Variants in PCDHB2 observed in about 807,000 individuals in gnomAD.
PCDHB2 encodes the protein protocadherin beta-2.
For synonymous variants in PCDHB2, 395 were observed against 464.9 expected (o/e 0.85, Z 1.93); for missense variants, 914 against 1,023.1 (o/e 0.89, Z 1.45).
At position 141,096,627 on chromosome 5, in the gene PCDHB2, G is replaced by A. The variant is rs1751833375; in HGVS notation, c.1837G>A (p.Glu613Lys). ...GTCGTACCAGCTGCTCAAGGCCACG[G>A]AGCCCGGGCTGTTCGGCGTGTGGGC... ...WLSYQLLKAT[E>K]PGLFGVWAHN... Residue 613 changes from glutamate to lysine, a missense_variant, in exon 1 of 1, where the codon GAG (glutamate) becomes AAG (lysine). Transcript: ENST00000194155. 3 of 1,608,068 alleles carry A rather than the reference G, an allele frequency of 1.9e-6. No individual in the cohort carries two copies. The highest frequency in any genetic ancestry group is 4.5e-5 in the East Asian group (2 of 44,870).
rs782804039 is a variant in PCDHB2 at position 141,096,500 on chromosome 5, C to A, written c.1710C>A (p.Gly570=). 4 of 1,608,878 alleles carry A rather than the reference C, an allele frequency of 2.5e-6. No homozygotes were observed. The South Asian group carries it at 4.4e-5, about 18-fold the overall frequency. Residue 570 remains glycine (G), a synonymous_variant, in exon 1 of 1, where the codon GGC becomes GGA. Transcript: ENST00000194155. ...SPFVLYPLQN[G]SAPCTELVPR... is the part of the protein sequence containing the mutation. ...TCGTGCTGTACCCGCTGCAGAACGG[C>A]TCCGCGCCCTGCACCGAGCTGGTGC...
chr5:141,096,650 G>A lies in PCDHB2; in HGVS notation c.1860G>A (p.Trp620Ter). 6.2e-7 allele frequency: 1 copy of A among 1,609,220 alleles called. No homozygotes were observed. The highest frequency in any genetic ancestry group is 8.5e-7 in the Non-Finnish European group (1 of 1,179,594). The change falls in exon 1 of 1, where the codon TGG (tryptophan) becomes TGA (stop). Residue 620 changes from tryptophan to a stop codon, truncating the protein, a stop_gained. Coordinates refer to ENST00000194155, the MANE Select transcript of PCDHB2 (RefSeq NM_018936.4). LOFTEE classifies it low-confidence loss of function (END_TRUNC). Reference sequence around the variant, plus strand: ...CGGAGCCCGGGCTGTTCGGCGTGTGGGCGCACAATGGCGAGGTGCGCACCG... The same window carrying A: ...CGGAGCCCGGGCTGTTCGGCGTGTGAGCGCACAATGGCGAGGTGCGCACCG... The part of the protein sequence containing the change: ...KATEPGLFGV[W>*]AHNGEVRTAR...
chr5:141,096,926 G>C lies in PCDHB2; in HGVS notation c.2136G>C (p.Ala712=), dbSNP rs150120355. 6,514 of 1,612,426 alleles carry C rather than the reference G, an allele frequency of 4.0e-3. 16 individuals are homozygous for C. Among genetic ancestry groups the C allele is most frequent in the Non-Finnish European group, 4.8e-3 (5,635 of 1,179,876 alleles). ...LFLFSVLLFV[A]VRLCRRSRAA... is the part of the protein sequence containing the mutation. ...TCTTCTCGGTGCTCCTGTTCGTGGC[G>C]GTGCGGCTGTGCAGGAGGAGCAGGG... Residue 712 remains alanine (A), a synonymous_variant, in exon 1 of 1, where the codon GCG becomes GCC. Coordinates refer to ENST00000194155, the MANE Select transcript of PCDHB2 (RefSeq NM_018936.4).
Position 141,098,630 on chromosome 5 carries a change from AT to A in PCDHB2, c.*1444del, listed in dbSNP as rs1751878867. On this transcript the variant is annotated 3_prime_UTR_variant, in exon 1 of 1. Transcript: ENST00000194155. ...TATAGGCTCTTAATAAAATTTTTGAATGATTGAAAGAGAGAAAAGTATTTTA... is the reference window on the plus strand; with the variant it reads ...TATAGGCTCTTAATAAAATTTTTGAAGATTGAAAGAGAGAAAAGTATTTTA... 6.6e-6 allele frequency: 1 copy of A among 152,200 alleles called. No individual in the cohort carries two copies. Among genetic ancestry groups the A allele is most frequent in the African/African-American group, 2.4e-5 (1 of 41,460 alleles). 9.4% of individuals were successfully genotyped at this position (152,200 alleles called of 1,614,324 possible).
In PCDHB2 at chr5:141,096,255, A is replaced by C; in HGVS notation, c.1465A>C (p.Thr489Pro). ...AGACTCGGGCACCAACGCCCAGGTC[A>C]CCTACTCGCTGCTGCCGCCCCAGGA... is the stretch of plus-strand genomic sequence containing the variant. ...DRDSGTNAQVTYSLLPPQDPH... is the reference protein window; with the variant it reads ...DRDSGTNAQVPYSLLPPQDPH... The change falls in exon 1 of 1, where the codon ACC becomes CCC. Residue 489 changes from threonine (T) to proline (P), a missense_variant. Physicochemically the swap from Thr to Pro is conservative, Grantham distance 38. Transcript: ENST00000194155. 6.2e-7 allele frequency: 1 copy of C among 1,613,028 alleles called. No homozygotes were observed.
In PCDHB2 at chr5:141,096,838, C is replaced by G; in HGVS notation, c.2048C>G (p.Ala683Gly). ...CTCCCGGAGGCGGCACCGGCCCAGGCCCAGGCCGACTTGCTCACCGTCTAC... is the reference window on the plus strand; with the variant it reads ...CTCCCGGAGGCGGCACCGGCCCAGGGCCAGGCCGACTTGCTCACCGTCTAC... ...LLLPEAAPAQ[A>G]QADLLTVYLV... The change falls in exon 1 of 1, where the codon GCC (alanine) becomes GGC (glycine). Residue 683 changes from alanine to glycine, a missense_variant. Ala to Gly is a moderately conservative substitution (Grantham distance 60). Transcript: ENST00000194155. 12 of 1,610,958 alleles carry G rather than the reference C, an allele frequency of 7.4e-6. No individual in the cohort carries two copies. The South Asian group carries it at 1.2e-4, about 16-fold the overall frequency.
chr5:141,095,641 C>T lies in PCDHB2; in HGVS notation c.851C>T (p.Ser284Phe). ...GTNGEISYAF[S>F]QASEDIRKTF... Reference sequence around the variant, plus strand: ...AATGGAGAAATATCTTATGCATTTTCCCAAGCATCTGAAGACATTCGCAAA... The same window carrying T: ...AATGGAGAAATATCTTATGCATTTTTCCAAGCATCTGAAGACATTCGCAAA... Residue 284 changes from serine to phenylalanine, a missense_variant, in exon 1 of 1, where the codon TCC becomes TTC. By Grantham distance (155) the Ser-to-Phe change is radical. Coordinates refer to ENST00000194155, the MANE Select transcript of PCDHB2 (RefSeq NM_018936.4). The T allele has an allele frequency of 6.2e-7, 1 of 1,614,164 alleles. No homozygotes were observed.
In PCDHB2 at chr5:141,096,186, A is replaced by G; in HGVS notation, c.1396A>G (p.Asn466Asp). Residue 466 changes from asparagine to aspartate, a missense_variant, in exon 1 of 1, where the codon AAC becomes GAC. Physicochemically the swap from Asn to Asp is conservative, Grantham distance 23. Transcript: ENST00000194155. The part of the protein sequence containing the change: ...TSYTLFVREN[N>D]SPALHIGSVS... ...CTACACCCTGTTCGTCCGCGAGAAC[A>G]ACAGCCCCGCCCTGCACATCGGCAG... 6.2e-7 allele frequency: 1 copy of G among 1,613,120 alleles called. No homozygotes were observed. Among genetic ancestry groups the G allele is most frequent in the Admixed American group, 1.7e-5 (1 of 60,038 alleles).
chr5:141,097,334 T>A lies in PCDHB2; in HGVS notation c.*147T>A. 1 of 877,846 alleles carries A rather than the reference T, an allele frequency of 1.1e-6. No homozygotes were observed. Among genetic ancestry groups the A allele is most frequent in the Non-Finnish European group, 1.7e-6 (1 of 601,200 alleles). The allele number at this position is 877,846 out of a possible 1,614,324, so 54.4% of individuals were successfully genotyped here. On this transcript the variant is annotated 3_prime_UTR_variant, in exon 1 of 1. Coordinates refer to ENST00000194155, the MANE Select transcript of PCDHB2 (RefSeq NM_018936.4). ...CATGTTACTGGTATTTATAAATGTA[T>A]GAGTTTTTTTGCGGTATAATAAATG...
chr5:141,097,068 G>A lies in PCDHB2; in HGVS notation c.2278G>A (p.Gly760Ser). Reference sequence around the variant, plus strand: ...CCAGTACGAGGTGTGTCTGACTGGAGGCTCCGGGACAAATGAGTTCAAGTT... The same window carrying A: ...CCAGTACGAGGTGTGTCTGACTGGAAGCTCCGGGACAAATGAGTTCAAGTT... ...SYQYEVCLTG[G>S]SGTNEFKFLK... is the part of the protein sequence containing the mutation. Residue 760 changes from glycine to serine, a missense_variant, in exon 1 of 1, where the codon GGC becomes AGC. Coordinates refer to ENST00000194155, the MANE Select transcript of PCDHB2 (RefSeq NM_018936.4). 1 of 1,613,564 alleles carries A rather than the reference G, an allele frequency of 6.2e-7. No homozygotes were observed. Among genetic ancestry groups the A allele is most frequent in the South Asian group, 1.1e-5 (1 of 91,046 alleles).
At position 141,097,101 on chromosome 5, in the gene PCDHB2, C is replaced by T. The variant is rs369060097; in HGVS notation, c.2311C>T (p.Pro771Ser). Residue 771 changes from proline to serine, a missense_variant, in exon 1 of 1, where the codon CCA becomes TCA. Transcript: ENST00000194155. Reference sequence around the variant, plus strand: ...GACAAATGAGTTCAAGTTCCTGAAGCCAATTATCCCCAACTTCGTTGCTCA... The same window carrying T: ...GACAAATGAGTTCAAGTTCCTGAAGTCAATTATCCCCAACTTCGTTGCTCA... ...SGTNEFKFLK[P>S]IIPNFVAQGA... The T allele has an allele frequency of 1.2e-6, 2 of 1,608,728 alleles. No individual in the cohort carries two copies. Among genetic ancestry groups the T allele is most frequent in the Non-Finnish European group, 1.7e-6 (2 of 1,177,306 alleles).
At position 141,097,288 on chromosome 5, in the gene PCDHB2, C is replaced by A. The variant is rs1554271751; in HGVS notation, c.*101C>A. ...GGTGTCTCCTTTTATTAGAAAGTAA[C>A]CATCTTATTCCAATTCTATGCATGT... On this transcript the variant is annotated 3_prime_UTR_variant, in exon 1 of 1. Coordinates refer to ENST00000194155, the MANE Select transcript of PCDHB2 (RefSeq NM_018936.4). 1.4e-5 allele frequency: 18 copies of A among 1,279,984 alleles called. No individual in the cohort carries two copies. The highest frequency in any genetic ancestry group is 9.5e-5 in the Admixed American group (4 of 42,292). The allele number at this position is 1,279,984 out of a possible 1,614,324, so 79.3% of individuals were successfully genotyped here. A position where few individuals can be genotyped will look rare whatever the true frequency, so the allele number is the denominator to read the frequency against.
Position 141,095,309 on chromosome 5 carries a change from A to C in PCDHB2, c.519A>C (p.Thr173=), listed in dbSNP as rs1554271218. 6.2e-7 allele frequency: 1 copy of C among 1,614,068 alleles called. No homozygotes were observed. The highest frequency in any genetic ancestry group is 1.7e-5 in the Admixed American group (1 of 60,018). Residue 173 remains threonine, a synonymous_variant, in exon 1 of 1, where the codon ACA becomes ACC. Coordinates refer to ENST00000194155, the MANE Select transcript of PCDHB2 (RefSeq NM_018936.4). ...GAACCAACAGTCTCCAAAATTACAC[A>C]ATCAGTCCCAATTTCCACTTTCATC... ...DVGTNSLQNY[T]ISPNFHFHLN... is the part of the protein sequence containing the mutation.
In PCDHB2 at chr5:141,096,477, G is replaced by T. The variant is rs1751828647; in HGVS notation, c.1687G>T (p.Val563Leu). Reference protein sequence around the residue: ...VLDANDNSPFVLYPLQNGSAP... With the variant: ...VLDANDNSPFLLYPLQNGSAP... Reference sequence around the variant, plus strand: ...GGACGCCAACGACAACTCGCCCTTCGTGCTGTACCCGCTGCAGAACGGCTC... The same window carrying T: ...GGACGCCAACGACAACTCGCCCTTCTTGCTGTACCCGCTGCAGAACGGCTC... The change falls in exon 1 of 1, where the codon GTG becomes TTG. Residue 563 changes from valine (V) to leucine (L), a missense_variant. Transcript: ENST00000194155. 4 of 1,610,628 alleles carry T rather than the reference G, an allele frequency of 2.5e-6. No individual in the cohort carries two copies. Among genetic ancestry groups the T allele is most frequent in the African/African-American group, 2.7e-5 (2 of 74,852 alleles).
chr5:141,097,089 A>G lies in PCDHB2; in HGVS notation c.2299A>G (p.Lys767Glu). The G allele has an allele frequency of 6.2e-7, 1 of 1,611,646 alleles. No individual in the cohort carries two copies. The highest frequency in any genetic ancestry group is 1.7e-4 in the Middle Eastern group (1 of 6,050). ...LTGGSGTNEF[K>E]FLKPIIPNFV... is the part of the protein sequence containing the mutation. ...TGGAGGCTCCGGGACAAATGAGTTC[A>G]AGTTCCTGAAGCCAATTATCCCCAA... Residue 767 changes from lysine to glutamate, a missense_variant, in exon 1 of 1, where the codon AAG becomes GAG. Lys to Glu is a moderately conservative substitution (Grantham distance 56, BLOSUM62 1). Transcript: ENST00000194155.
Position 141,097,059 on chromosome 5 carries a change from C to T in PCDHB2, c.2269C>T (p.Leu757=). 1 of 1,613,706 alleles carries T rather than the reference C, an allele frequency of 6.2e-7. No homozygotes were observed. ...CCAGAGCTACCAGTACGAGGTGTGTCTGACTGGAGGCTCCGGGACAAATGA... is the reference window on the plus strand; with the variant it reads ...CCAGAGCTACCAGTACGAGGTGTGTTTGACTGGAGGCTCCGGGACAAATGA... ...LSQSYQYEVC[L]TGGSGTNEFK... is the part of the protein sequence containing the mutation. The change falls in exon 1 of 1, where the codon CTG becomes TTG. Residue 757 remains leucine, a synonymous_variant. Coordinates refer to ENST00000194155, the MANE Select transcript of PCDHB2 (RefSeq NM_018936.4).
Position 141,097,246 on chromosome 5 carries a change from C to T in PCDHB2, c.*59C>T. ...TTAATTTGTGGAAAGTCCTTTTTTA[C>T]TGCTTTGCCCATTGGAGGTGTCTCC... On this transcript the variant is annotated 3_prime_UTR_variant, in exon 1 of 1. Coordinates refer to ENST00000194155, the MANE Select transcript of PCDHB2 (RefSeq NM_018936.4). 6 of 1,515,188 alleles carry T rather than the reference C, an allele frequency of 4.0e-6. No homozygotes were observed. Among genetic ancestry groups the T allele is most frequent in the Non-Finnish European group, 5.3e-6 (6 of 1,128,236 alleles). 93.9% of individuals were successfully genotyped at this position (1,515,188 alleles called of 1,614,324 possible).
Position 141,094,894 on chromosome 5 carries a change from A to G in PCDHB2, c.104A>G (p.Tyr35Cys). ...CAGGCTAGTTGCCAGCCTAGGCACT[A>G]TTCAGTGGCCGAGGAAACGGAGAGT... ...IAQASCQPRH[Y>C]SVAEETESGS... Residue 35 changes from tyrosine to cysteine, a missense_variant, in exon 1 of 1, where the codon TAT becomes TGT. Transcript: ENST00000194155. 6.2e-7 allele frequency: 1 copy of G among 1,614,162 alleles called. No homozygotes were observed. The highest frequency in any genetic ancestry group is 8.5e-7 in the Non-Finnish European group (1 of 1,180,006).
At position 141,095,528 on chromosome 5, in the gene PCDHB2, G is replaced by A. The variant is rs149000816; in HGVS notation, c.738G>A (p.Lys246=). 183 of 1,614,014 alleles carry A rather than the reference G, an allele frequency of 1.1e-4. No individual in the cohort carries two copies. In the African/African-American group the frequency reaches 2.0e-3, roughly 18 times the overall value. Residue 246 remains lysine, a synonymous_variant, in exon 1 of 1, where the codon AAG becomes AAA. Coordinates refer to ENST00000194155, the MANE Select transcript of PCDHB2 (RefSeq NM_018936.4). ...DINDNVPEFA[K]LLYEVQIPED... ...ATGACAACGTCCCAGAGTTTGCAAAGCTGCTCTATGAGGTGCAGATCCCGG... is the reference window on the plus strand; with the variant it reads ...ATGACAACGTCCCAGAGTTTGCAAAACTGCTCTATGAGGTGCAGATCCCGG...
Sources: gnomAD v4.1 joint callset for allele counts on GRCh38, gnomAD v4.1.1 for gene constraint, MANE v1.5 for transcripts, NCBI Gene and HGNC (gene_info 2026-07-23, HGNC 2026-07-21) for gene names.